Variants in PPP1R13B observed in about 807,000 individuals in gnomAD.
The protein encoded by PPP1R13B is apoptosis-stimulating of p53 protein 1.
In PPP1R13B, 44 loss-of-function variants were observed where a neutral mutation model predicts 119.8. The observed-to-expected ratio is 0.37, with a 90% CI of 0.29 to 0.47. PPP1R13B has a LOEUF of 0.47. Among genes scored for constraint, PPP1R13B ranks in the 20% least tolerant of loss-of-function variants. The pLI, the probability that PPP1R13B is intolerant of heterozygous loss-of-function variation, is 0.99. For missense variants in PPP1R13B, 1,227 were observed against 1,413.5 expected, an observed-to-expected ratio of 0.87 and a Z score of 2.12; for synonymous variants, 542 against 561.5, an observed-to-expected ratio of 0.97 and a Z score of 0.49.
upstream of PPP1R13B, chr14:103,847,590 C>A: frequency 8.1e-6 from 8 of 986,548 alleles, no homozygotes; most frequent in South Asian, 3.2e-4. Context: ...CCCGCCCGCC[C>A]GGCTCGCTCT....
chr14:103,800,187 G>A (rs948490847), intron 1 of PPP1R13B, among the ~76,000 whole-genome samples: 57 of 152,166 alleles, frequency 3.7e-4, no homozygotes, highest in Non-Finnish European at 3.8e-4. Flanking sequence ...CAGAAATGGT[G>A]GCTCATGACA....
At chr14:103,801,673 C>G (rs1348079539) in intron 1 of PPP1R13B, among the ~76,000 whole-genome samples, 2 of 152,164 alleles carry the variant, frequency 1.3e-5, no homozygotes, top group Non-Finnish European at 2.9e-5. Flanking sequence ...CTGCACTCTT[C>G]CAAGCACTTC....
chr14:103,734,357 C>T lies in PPP1R13B; in HGVS notation c.*797G>A. On this transcript the variant is annotated 3_prime_UTR_variant, in exon 17 of 17. Coordinates refer to ENST00000202556, the MANE Select transcript of PPP1R13B (RefSeq NM_015316.3). ...CCCCAACCACCCTCCGCTGCCACGG[C>T]CTCCAGCACCTGACTCCATTCAGGG... is the stretch of plus-strand genomic sequence containing the variant. The T allele has an allele frequency of 5.3e-6, 2 of 375,456 alleles. No homozygotes were observed. The highest frequency in any genetic ancestry group is 1.1e-5 in the Non-Finnish European group (2 of 185,916). 23.3% of individuals were successfully genotyped at this position (375,456 alleles called of 1,614,324 possible). A position where few individuals can be genotyped will look rare whatever the true frequency, so the allele number is the denominator to read the frequency against.
intron 2 of PPP1R13B, among the ~76,000 whole-genome samples, chr14:103,787,660 T>C (rs1300213153): frequency 1.3e-5 from 2 of 148,818 alleles, no homozygotes; most frequent in Admixed American, 1.3e-4. Flanking sequence ...ATTTTTTTTT[T>C]TTTTTTTTTT....
Position 103,739,318 on chromosome 14 carries a change from G to T in PPP1R13B, c.2593-295C>A, listed in dbSNP as rs1024184872. 1.5e-5 allele frequency: 6 copies of T among 393,026 alleles called. No homozygotes were observed. In the East Asian group the frequency reaches 2.3e-4, roughly 15 times the overall value. 24.3% of individuals were successfully genotyped at this position (393,026 alleles called of 1,614,324 possible). On this transcript the variant is annotated intron_variant, in intron 12 of 16. Coordinates refer to ENST00000202556, the MANE Select transcript of PPP1R13B (RefSeq NM_015316.3). ...CTCGGAAGACTCTGTGGGAGGGAGG[G>T]TGGCGTGTGACTGCCAAGTAGCTGA...
At chr14:103,735,265 C>A (rs1318527292) in intron 16 of PPP1R13B, 70 bp from the exon 17 acceptor site, 1 of 1,522,724 alleles carries the variant, frequency 6.6e-7, no homozygotes, top group East Asian at 2.2e-5. Context: ...AGACCCGACC[C>A]CTGCTCCTCA....
At chr14:103,737,627 GCTGA>G (rs1278914020) in intron 15 of PPP1R13B, 63 bp downstream of exon 15, 35 of 1,539,880 alleles carry the variant, frequency 2.3e-5, no homozygotes, top group African/African-American at 9.6e-5. Flanking sequence ...TCTGGCACCG[GCTGA>G]CTGTTGCCAT....
At chr14:103,760,233 C>T (rs1013204360) in intron 4 of PPP1R13B, among the ~76,000 whole-genome samples, 1 of 152,216 alleles carries the variant, frequency 6.6e-6, no homozygotes, top group Non-Finnish European at 1.5e-5. Flanking sequence ...CTCTTCAATG[C>T]AAACTGGATT....
rs556877445 is a variant in PPP1R13B at position 103,768,240 on chromosome 14, C to T, written c.355-10489G>A. ...AAGTGATTCTCCTGCCTCAGCCTCCCGGATAGCTGGGATTACAGGCACCCA... is the reference window on the plus strand; with the variant it reads ...AAGTGATTCTCCTGCCTCAGCCTCCTGGATAGCTGGGATTACAGGCACCCA... On this transcript the variant is annotated intron_variant, in intron 4 of 16. Coordinates refer to ENST00000202556, the MANE Select transcript of PPP1R13B (RefSeq NM_015316.3). Among the ~76,000 whole-genome samples the T allele has an allele frequency of 1.3e-4, 19 of 151,752 alleles. No individual in the cohort carries two copies. The South Asian group carries it at 2.1e-3, about 17-fold the overall frequency.
In PPP1R13B at chr14:103,735,116, G is replaced by T. The variant is rs140252150; in HGVS notation, c.*38C>A. On this transcript the variant is annotated 3_prime_UTR_variant, in exon 17 of 17. Transcript: ENST00000202556. The stretch of plus-strand genomic sequence containing the variant: ...CACAATAATCTCTTAAGTGGCTCCT[G>T]GTAGCTGGCAAGACCATGCGGTGCT... The T allele has an allele frequency of 4.3e-6, 7 of 1,612,342 alleles. No homozygotes were observed. Among genetic ancestry groups the T allele is most frequent in the African/African-American group, 1.3e-5 (1 of 74,982 alleles).
At chr14:103,759,378 C>A (rs530347125) in intron 4 of PPP1R13B, 1 of 151,022 alleles carries the variant, frequency 6.6e-6, no homozygotes, top group Non-Finnish European at 1.5e-5. Flanking sequence ...CACTCTGTCA[C>A]CCAGGCTGGG....
In PPP1R13B at chr14:103,839,426, G is replaced by T. The variant is rs377684990; in HGVS notation, c.9+7873C>A. Among the ~76,000 whole-genome samples the T allele has an allele frequency of 3.6e-3, 553 of 152,028 alleles. 5 individuals carry two copies. The highest frequency in any genetic ancestry group is 0.013 in the African/African-American group (536 of 41,510). On this transcript the variant is annotated intron_variant, in intron 1 of 16. Transcript: ENST00000202556. ...GCAGATCACCTGACGTTGGGAGTTT[G>T]AGACCAGCCTGACCAACATGGAGAA...
intron 1 of PPP1R13B, among the ~76,000 whole-genome samples, chr14:103,799,187 T>G (rs766547005): frequency 7.9e-5 from 12 of 151,732 alleles, no homozygotes; most frequent in Non-Finnish European, 1.6e-4. Flanking sequence ...TTTTATTTAT[T>G]TATTTTTTTG....
At chr14:103,823,701 C>T (rs2086466723) in intron 1 of PPP1R13B, among the ~76,000 whole-genome samples, 1 of 152,178 alleles carries the variant, frequency 6.6e-6, no homozygotes, top group Admixed American at 6.5e-5. Context: ...TAATAGCACC[C>T]ACTTATTGAC....
At chr14:103,747,860 C>G (rs555341555) in intron 8 of PPP1R13B, among the ~76,000 whole-genome samples, 5 of 152,220 alleles carry the variant, frequency 3.3e-5, no homozygotes, top group Admixed American at 6.5e-5. Flanking sequence ...AGCAGATGAC[C>G]CTCTAGAAGG....
At chr14:103,791,367 T>C (rs2085616595) in intron 2 of PPP1R13B, among the ~76,000 whole-genome samples, 1 of 152,204 alleles carries the variant, frequency 6.6e-6, no homozygotes, top group African/African-American at 2.4e-5. Context: ...TGTCTGTGCT[T>C]AGCTCAAGTT....
chr14:103,843,608 C>CA (rs944456821), intron 1 of PPP1R13B, among the ~76,000 whole-genome samples: 11 of 152,136 alleles, frequency 7.2e-5, no homozygotes, highest in Admixed American at 2.0e-4. Flanking sequence ...ATAACAACAA[C>CA]AAAAAAATAC....
intron 4 of PPP1R13B, among the ~76,000 whole-genome samples, chr14:103,769,004 A>T (rs916292823): frequency 2.6e-5 from 4 of 152,248 alleles, no homozygotes; most frequent in African/African-American, 9.6e-5. Context: ...CACAAGATTT[A>T]AAAAGACTAT....
intron 9 of PPP1R13B, 59 bp downstream of exon 9, chr14:103,746,314 C>T (rs1044669536): frequency 3.3e-5 from 9 of 275,960 alleles, no homozygotes; most frequent in South Asian, 6.3e-5. Flanking sequence ...GCCCCTCCAC[C>T]GCAGGCCCCA....
Sources: gnomAD v4.1 joint callset for allele counts (sites outside exome capture counted in the v4.1 genomes callset) on GRCh38, gnomAD v4.1.1 for gene constraint, MANE v1.5 for transcripts, NCBI Gene and HGNC (gene_info 2026-07-23, HGNC 2026-07-21) for gene names.